Variants in GALNT13 observed in about 807,000 individuals in gnomAD.
The protein encoded by GALNT13 is UDP-GalNAc:polypeptide N-acetylgalactosaminyltransferase 13.
A neutral mutation model predicts 64.2 loss-of-function variants in GALNT13; 28 were observed. The observed-to-expected ratio is 0.44, with a 90% CI of 0.32 to 0.60. The LOEUF (loss-of-function observed/expected upper bound fraction) is 0.60, where lower values mean the gene tolerates loss of function less well. Ranked by LOEUF, GALNT13 falls within the 20% of genes least tolerant of loss-of-function variation. The probability of loss-of-function intolerance (pLI) is 0.05; values close to 1 mark genes in which losing one functional copy is unlikely to be tolerated. For synonymous variants in GALNT13, 214 were observed against 224.6 expected, an observed-to-expected ratio of 0.95 and a Z score of 0.42; for missense variants, 577 against 669.8, an observed-to-expected ratio of 0.86 and a Z score of 1.53.
chr2:153,645,292 T>C, the GALNT13 span, among the ~76,000 whole-genome samples: 1 of 152,162 alleles, frequency 6.6e-6, no homozygotes, highest in Non-Finnish European at 1.5e-5. Flanking sequence ...AAATGTAATA[T>C]GCCTTTAACA....
intron 1 of GALNT13, among the ~76,000 whole-genome samples, chr2:153,877,999 G>A: frequency 6.6e-6 from 1 of 152,074 alleles, no homozygotes; most frequent in East Asian, 1.9e-4. Flanking sequence ...GAGCATCAAG[G>A]ATGACACCAG....
chr2:154,292,505 T>G (rs1692702704), intron 8 of GALNT13, among the ~76,000 whole-genome samples: 1 of 152,170 alleles, frequency 6.6e-6, no homozygotes, highest in Non-Finnish European at 1.5e-5. Context: ...CATAACAATA[T>G]TATTTTACCA....
chr2:153,949,655 T>C (rs1692025523), intron 3 of GALNT13, among the ~76,000 whole-genome samples: 1 of 151,946 alleles, frequency 6.6e-6, no homozygotes, highest in African/African-American at 2.4e-5. Flanking sequence ...AGGATACTTG[T>C]AAAGGAGAAA....
chr2:153,244,520 G>A, the GALNT13 span, among the ~76,000 whole-genome samples: 10 of 152,172 alleles, frequency 6.6e-5, no homozygotes, highest in Admixed American at 3.9e-4. Context: ...GAAGCAGGGT[G>A]GGGTGTCACT....
At chr2:153,283,600 G>T in the GALNT13 span, among the ~76,000 whole-genome samples, 2 of 152,088 alleles carry the variant, frequency 1.3e-5, no homozygotes, top group African/African-American at 4.8e-5. Context: ...AGTGGAGAGG[G>T]CCCCACTTCA....
chr2:154,009,642 A>C (rs1696492938), intron 3 of GALNT13, among the ~76,000 whole-genome samples: 1 of 151,958 alleles, frequency 6.6e-6, no homozygotes. Flanking sequence ...ATGTGCCACC[A>C]CCATGACTGC....
the GALNT13 span, among the ~76,000 whole-genome samples, chr2:153,174,652 T>C: frequency 2.0e-5 from 3 of 152,174 alleles, no homozygotes; most frequent in African/African-American, 7.2e-5. Flanking sequence ...AGCTGAATAA[T>C]GAATACAGGT....
chr2:153,227,577 T>A, the GALNT13 span, among the ~76,000 whole-genome samples: 1 of 152,202 alleles, frequency 6.6e-6, no homozygotes. Flanking sequence ...TTTTTAAAAA[T>A]TTTCTCGAAT....
At chr2:153,521,281 G>A in the GALNT13 span, among the ~76,000 whole-genome samples, 1 of 151,280 alleles carries the variant, frequency 6.6e-6, no homozygotes, top group African/African-American at 2.4e-5. Context: ...AATACCATTA[G>A]GTTTTTTTTT....
intron 2 of GALNT13, among the ~76,000 whole-genome samples, chr2:153,925,632 G>C (rs1439660210): frequency 1.3e-5 from 2 of 151,328 alleles, no homozygotes; most frequent in Non-Finnish European, 2.9e-5. Flanking sequence ...CATTGAATCT[G>C]TAAATTGCTT....
At chr2:154,409,247 T>G in intron 11 of GALNT13, 165 bp downstream of exon 11, 1 of 623,942 alleles carries the variant, frequency 1.6e-6, no homozygotes, top group Non-Finnish European at 2.9e-6. Context: ...CCAAGGATCT[T>G]AAAGGAGAGC....
intron 3 of GALNT13, among the ~76,000 whole-genome samples, chr2:154,095,577 C>A (rs566952941): frequency 6.6e-6 from 1 of 151,938 alleles, no homozygotes; most frequent in East Asian, 1.9e-4. Context: ...TTTAATTATG[C>A]TTAATGCCTA....
chr2:154,267,884 A>G (rs926682127), intron 8 of GALNT13, among the ~76,000 whole-genome samples: 6 of 152,216 alleles, frequency 3.9e-5, no homozygotes, highest in Non-Finnish European at 8.8e-5. Flanking sequence ...TAAGCAATTG[A>G]GTAAATCCTC....
chr2:153,121,303 G>T, the GALNT13 span, among the ~76,000 whole-genome samples: 1 of 152,146 alleles, frequency 6.6e-6, no homozygotes, highest in African/African-American at 2.4e-5. Context: ...CATTCCTCCT[G>T]TGGAAATTAG....
At chr2:153,876,190 AC>A (rs1265994210) in intron 1 of GALNT13, among the ~76,000 whole-genome samples, 1 of 139,482 alleles carries the variant, frequency 7.2e-6, no homozygotes, top group Non-Finnish European at 1.5e-5. Flanking sequence ...TCTAACAGCA[AC>A]CCCCCCACAC....
chr2:153,968,334 T>C (rs936839237), intron 3 of GALNT13, among the ~76,000 whole-genome samples: 2 of 152,226 alleles, frequency 1.3e-5, no homozygotes, highest in Admixed American at 1.3e-4. Flanking sequence ...AATTTTTCCC[T>C]GTGTTGTGCT....
the GALNT13 span, among the ~76,000 whole-genome samples, chr2:153,693,118 T>G: frequency 2.6e-5 from 4 of 152,298 alleles, no homozygotes; most frequent in Admixed American, 1.3e-4. Context: ...AAGAAAAGAC[T>G]CTGAAGCTGG....
At chr2:153,696,707 A>G in the GALNT13 span, among the ~76,000 whole-genome samples, 2 of 152,176 alleles carry the variant, frequency 1.3e-5, no homozygotes, top group Admixed American at 1.3e-4. Flanking sequence ...GCAGTTGACC[A>G]TGGATAACTG....
intron 3 of GALNT13, among the ~76,000 whole-genome samples, chr2:154,093,913 G>T (rs1701948653): frequency 6.6e-6 from 1 of 151,432 alleles, no homozygotes; most frequent in African/African-American, 2.4e-5. Context: ...GATAAAAGCT[G>T]TCATGTAATA....
Sources: gnomAD v4.1 joint callset for allele counts (sites outside exome capture counted in the v4.1 genomes callset) on GRCh38, gnomAD v4.1.1 for gene constraint, MANE v1.5 for transcripts, NCBI Gene and HGNC (gene_info 2026-07-23, HGNC 2026-07-21) for gene names.